The following BNC2 variants were observed in gnomAD, a reference collection of about 807,000 sequenced individuals.
The protein encoded by BNC2 is basonuclin zinc finger protein 2.
In BNC2, 20 loss-of-function variants were observed where a neutral mutation model predicts 76.3. The observed-to-expected ratio is 0.26, with a 90% confidence interval of 0.18 to 0.38. The LOEUF (loss-of-function observed/expected upper bound fraction) is 0.38, where lower values mean the gene tolerates loss of function less well. Among genes scored for constraint, BNC2 ranks in the 10% least tolerant of loss-of-function variants. BNC2 has a pLI of 1.00. For missense variants in BNC2, 1,382 were observed against 1,399.8 expected, an observed-to-expected ratio of 0.99 and a Z score of 0.20; for synonymous variants, 582 against 514.8, an observed-to-expected ratio of 1.13 and a Z score of -1.77.
At chr9:16,667,750 G>A (rs1822343766) in intron 3 of BNC2, among the ~76,000 whole-genome samples, 1 of 152,088 alleles carries the variant, frequency 6.6e-6, no homozygotes, top group African/African-American at 2.4e-5. Flanking sequence ...AAAAAATATA[G>A]CATATGTTTT....
chr9:16,745,879 T>C (rs769064229), intron 1 of BNC2, among the ~76,000 whole-genome samples: 1 of 152,184 alleles, frequency 6.6e-6, no homozygotes, highest in African/African-American at 2.4e-5. Context: ...TCAGTAACAG[T>C]GGTTCTCAAA....
At chr9:16,632,183 G>A (rs1410778259) in intron 3 of BNC2, among the ~76,000 whole-genome samples, 2 of 151,914 alleles carry the variant, frequency 1.3e-5, no homozygotes, top group African/African-American at 4.8e-5. Context: ...TATGATGGTA[G>A]GAACTATTCC....
chr9:16,436,243 C>T lies in BNC2; in HGVS notation c.1951G>A (p.Asp651Asn), dbSNP rs767945913. The change falls in exon 6 of 7, where the codon GAT becomes AAT. Residue 651 changes from aspartate to asparagine, a missense_variant. Physicochemically the swap from Asp to Asn is conservative, Grantham distance 23. Transcript: ENST00000380672. ...KIEKEIIDTA[D>N]EFDDEDDDPN... Reference sequence around the variant, plus strand: ...TCATCATCTTCATCATCAAACTCATCGGCGGTATCAATAATTTCCTTCTCA... The same window carrying T: ...TCATCATCTTCATCATCAAACTCATTGGCGGTATCAATAATTTCCTTCTCA... 7 of 1,614,146 alleles carry T rather than the reference C, an allele frequency of 4.3e-6. No individual in the cohort carries two copies. In the African/African-American group the frequency reaches 5.3e-5, roughly 12 times the overall value.
chr9:16,471,344 A>C (rs1203754311), intron 5 of BNC2, among the ~76,000 whole-genome samples: 1 of 145,990 alleles, frequency 6.8e-6, no homozygotes, highest in South Asian at 2.2e-4. Flanking sequence ...CCCAGGCTGG[A>C]GTGCAGTGGC....
intron 3 of BNC2, among the ~76,000 whole-genome samples, chr9:16,612,501 T>C: frequency 6.6e-6 from 1 of 152,130 alleles, no homozygotes; most frequent in African/African-American, 2.4e-5. Context: ...ATACAAAATA[T>C]TATATGACAA....
intron 5 of BNC2, among the ~76,000 whole-genome samples, chr9:16,537,316 A>T (rs1818159540): frequency 6.6e-6 from 1 of 152,088 alleles, no homozygotes; most frequent in Admixed American, 6.6e-5. Flanking sequence ...CTTGAATCGC[A>T]CTCGAAACAC....
intron 1 of BNC2, among the ~76,000 whole-genome samples, chr9:16,813,992 G>A (rs1223353894): frequency 6.6e-6 from 1 of 152,164 alleles, no homozygotes; most frequent in Non-Finnish European, 1.5e-5. Context: ...CAGACACGGT[G>A]TACTAAAAGG....
At chr9:16,588,291 T>C (rs926690866) in intron 3 of BNC2, among the ~76,000 whole-genome samples, 2 of 152,244 alleles carry the variant, frequency 1.3e-5, no homozygotes, top group Non-Finnish European at 2.9e-5. Flanking sequence ...CTTATGATTC[T>C]TCCCAATGTA....
chr9:16,617,184 G>C (rs1386456511), intron 3 of BNC2, among the ~76,000 whole-genome samples: 1 of 151,972 alleles, frequency 6.6e-6, no homozygotes, highest in Non-Finnish European at 1.5e-5. Flanking sequence ...TTTAACCGTG[G>C]CCCTGCAATC....
At chr9:16,530,893 C>T (rs568868278) in intron 5 of BNC2, among the ~76,000 whole-genome samples, 1 of 152,236 alleles carries the variant, frequency 6.6e-6, no homozygotes, top group Admixed American at 6.5e-5. Flanking sequence ...TGCAGCAGGG[C>T]TCACGGTGCC....
chr9:16,549,685 C>CT (rs1818600105), intron 5 of BNC2, among the ~76,000 whole-genome samples: 1 of 152,152 alleles, frequency 6.6e-6, no homozygotes, highest in Admixed American at 6.5e-5. Context: ...CAGTCTCTCT[C>CT]TTTTTTCTTT....
chr9:16,766,004 T>G (rs7865470), intron 1 of BNC2, among the ~76,000 whole-genome samples: 139,190 of 151,910 alleles, frequency 0.92, 63,775 homozygotes, highest in East Asian at 0.99. Flanking sequence ...AGCCAGGATG[T>G]TCTCGATCTC....
intron 1 of BNC2, among the ~76,000 whole-genome samples, chr9:16,757,013 A>G (rs1825404761): frequency 6.6e-6 from 1 of 150,862 alleles, no homozygotes; most frequent in African/African-American, 2.4e-5. Context: ...AAAAAAATAG[A>G]CCCAAGAAGG....
intron 3 of BNC2, among the ~76,000 whole-genome samples, chr9:16,632,175 T>C (rs973537970): frequency 6.6e-6 from 1 of 152,162 alleles, no homozygotes; most frequent in Non-Finnish European, 1.5e-5. Context: ...ATCTTGCATA[T>C]GATGGTAGGA....
intron 1 of BNC2, among the ~76,000 whole-genome samples, chr9:16,768,527 T>C (rs1487645775): frequency 2.0e-5 from 3 of 152,240 alleles, no homozygotes; most frequent in East Asian, 1.9e-4. Context: ...TTCAATTTGA[T>C]AGACCAAATG....
intron 5 of BNC2, among the ~76,000 whole-genome samples, chr9:16,442,714 GA>G (rs1348596869): frequency 6.6e-6 from 1 of 152,136 alleles, no homozygotes; most frequent in Non-Finnish European, 1.5e-5. Context: ...CAGCATACAG[GA>G]AAACAACTGC....
intron 3 of BNC2, among the ~76,000 whole-genome samples, chr9:16,688,763 T>C (rs1286584468): frequency 6.6e-6 from 1 of 152,174 alleles, no homozygotes; most frequent in Non-Finnish European, 1.5e-5. Flanking sequence ...AATTATGGAA[T>C]AACTGCCTAC....
At chr9:16,704,662 C>T (rs1251818659) in intron 3 of BNC2, 8 of 134,712 alleles carry the variant, frequency 5.9e-5, no homozygotes, top group Admixed American at 4.3e-4. Flanking sequence ...TAATATAAAC[C>T]GTTATTACAG....
At chr9:16,688,255 T>A (rs544486668) in intron 3 of BNC2, among the ~76,000 whole-genome samples, 1 of 152,282 alleles carries the variant, frequency 6.6e-6, no homozygotes, top group East Asian at 1.9e-4. Context: ...CAAAATGTAC[T>A]AAGGAAGATA....
Sources: allele counts gnomAD v4.1 joint callset (sites outside exome capture counted in the v4.1 genomes callset), GRCh38; gene constraint gnomAD v4.1.1; transcripts MANE v1.5; gene names NCBI Gene and HGNC (gene_info 2026-07-23, HGNC 2026-07-21).